NFIA: variants seen among roughly 807,000 people sequenced by gnomAD.
The protein encoded by NFIA is nuclear factor 1 A-type.
NFIA carries 8 observed loss-of-function variants against 62.8 expected under a neutral mutation model. The observed-to-expected ratio is 0.13, with a 90% CI of 0.07 to 0.23. The LOEUF is 0.23. NFIA is among the 10% of genes least tolerant of loss of function. The pLI, the probability that NFIA is intolerant of heterozygous loss-of-function variation, is 1.00. For missense variants in NFIA, 410 were observed against 642.1 expected (o/e 0.64, Z 3.91); for synonymous variants, 235 against 238.1 (o/e 0.99, Z 0.12).
rs1220911097 is a variant in NFIA, at chr1:61,456,547, A to G, written c.*1227A>G. 1 of 151,988 alleles carries G rather than the reference A, an allele frequency of 6.6e-6. No homozygotes were observed. Among genetic ancestry groups the G allele is most frequent in the Non-Finnish European group, 1.5e-5 (1 of 67,940 alleles). 9.4% of individuals were successfully genotyped at this position (151,988 alleles called of 1,614,324 possible). The stretch of plus-strand genomic sequence containing the variant: ...TATAATGGATTACGCCAATTCTAAA[A>G]AATTTTACACCTATCTGGCATCATA... On this transcript the variant is annotated 3_prime_UTR_variant, in exon 11 of 11. Transcript: ENST00000403491.
chr1:61,375,850 C>T lies in NFIA; in HGVS notation c.947-7387C>T, dbSNP rs145740926. Among the ~76,000 whole-genome samples, 22 of 152,290 alleles carry T rather than the reference C, an allele frequency of 1.4e-4. No individual in the cohort carries two copies. In the South Asian group the frequency reaches 3.1e-3, roughly 22 times the overall value. ...TGCTCTCCTGTGCAGATTCCTCCTT[C>T]GTTTCATGGAAGTTGACTACACCAT... On this transcript the variant is annotated intron_variant, in intron 6 of 10. Coordinates refer to ENST00000403491, the MANE Select transcript of NFIA (RefSeq NM_001134673.4).
intron 7 of NFIA, among the ~76,000 whole-genome samples, chr1:61,391,121 C>A (rs1234961295): frequency 6.6e-6 from 1 of 152,084 alleles, no homozygotes; most frequent in Admixed American, 6.6e-5. Flanking sequence ...AGTGCAGTGA[C>A]TTGATCACAG....
At chr1:61,230,863 C>T (rs1482995523) in intron 2 of NFIA, among the ~76,000 whole-genome samples, 1 of 152,212 alleles carries the variant, frequency 6.6e-6, no homozygotes, top group Non-Finnish European at 1.5e-5. Context: ...TCTGGTTTCT[C>T]TACAGGACAC....
intron 2 of NFIA, among the ~76,000 whole-genome samples, chr1:61,161,189 A>G (rs939531922): frequency 6.6e-6 from 1 of 152,230 alleles, no homozygotes; most frequent in South Asian, 2.1e-4. Context: ...TGCTGGGATT[A>G]CAGGTGTGCA....
chr1:61,135,168 A>G (rs907663040), intron 2 of NFIA, among the ~76,000 whole-genome samples: 2 of 152,232 alleles, frequency 1.3e-5, no homozygotes, highest in African/African-American at 2.4e-5. Context: ...CTTTAAAAGC[A>G]TTGTAAGACT....
intron 2 of NFIA, among the ~76,000 whole-genome samples, chr1:61,122,738 C>G (rs1570204400): frequency 7.7e-6 from 1 of 129,742 alleles, no homozygotes; most frequent in Non-Finnish European, 1.8e-5. Context: ...TCTGTCTGTT[C>G]CAGATGAGCT....
In NFIA at chr1:61,333,066, C is replaced by T. The variant is rs571488597; in HGVS notation, c.700+480C>T. On this transcript the variant is annotated intron_variant, in intron 4 of 10. Coordinates refer to ENST00000403491, the MANE Select transcript of NFIA (RefSeq NM_001134673.4). Reference sequence around the variant, plus strand: ...ATGCACGCACACACACACACACACACATACACACACACACACACACACACA... The same window carrying T: ...ATGCACGCACACACACACACACACATATACACACACACACACACACACACA... Among the ~76,000 whole-genome samples the T allele has an allele frequency of 2.4e-3, 324 of 137,114 alleles. 2 individuals are homozygous for T. Among genetic ancestry groups the T allele is most frequent in the African/African-American group, 0.011 (314 of 29,028 alleles). 90.0% of individuals were successfully genotyped at this position (137,114 alleles called of 152,430 possible).
intron 9 of NFIA, among the ~76,000 whole-genome samples, chr1:61,409,353 C>A (rs1040101482): frequency 5.3e-5 from 8 of 152,152 alleles, no homozygotes; most frequent in Admixed American, 5.2e-4. Context: ...ATGATGAATT[C>A]ATAGTAATAT....
At chr1:61,152,722 C>T (rs1648512245) in intron 2 of NFIA, among the ~76,000 whole-genome samples, 2 of 152,128 alleles carry the variant, frequency 1.3e-5, no homozygotes, top group Admixed American at 6.5e-5. Context: ...GGAGTACACA[C>T]ATGCAGAGAT....
chr1:61,097,073 CTTAAAG>C (rs1476137757), intron 2 of NFIA, among the ~76,000 whole-genome samples: 1 of 152,004 alleles, frequency 6.6e-6, no homozygotes, highest in African/African-American at 2.4e-5. Context: ...ATTAATGAAT[CTTAAAG>C]TTAGGGTTGT....
At chr1:61,326,293 T>A (rs1028393494) in intron 3 of NFIA, among the ~76,000 whole-genome samples, 1 of 152,224 alleles carries the variant, frequency 6.6e-6, no homozygotes, top group Non-Finnish European at 1.5e-5. Context: ...AACGCCTGAA[T>A]CAATCTGACC....
intron 2 of NFIA, among the ~76,000 whole-genome samples, chr1:61,239,049 A>C (rs1357822181): frequency 1.3e-5 from 2 of 152,192 alleles, no homozygotes; most frequent in African/African-American, 2.4e-5. Flanking sequence ...TTCATTAATG[A>C]ATATTTTAAA....
intron 4 of NFIA, among the ~76,000 whole-genome samples, chr1:61,342,653 G>A (rs1661987835): frequency 6.6e-6 from 1 of 152,218 alleles, no homozygotes; most frequent in African/African-American, 2.4e-5. Context: ...AAAGCAGAGA[G>A]GCGAGAAGGA....
chr1:61,309,613 G>A (rs1210898863), intron 3 of NFIA, among the ~76,000 whole-genome samples: 4 of 152,168 alleles, frequency 2.6e-5, no homozygotes, highest in South Asian at 4.1e-4. Context: ...GGATGTGGCC[G>A]GGCGCAGTGG....
intron 3 of NFIA, among the ~76,000 whole-genome samples, chr1:61,326,695 T>C (rs933516246): frequency 1.3e-5 from 2 of 152,076 alleles, no homozygotes; most frequent in Non-Finnish European, 2.9e-5. Flanking sequence ...TGGTCAGTAT[T>C]CAGAAGGGAG....
chr1:61,155,999 G>A (rs937376802), intron 2 of NFIA, among the ~76,000 whole-genome samples: 9 of 152,134 alleles, frequency 5.9e-5, no homozygotes, highest in African/African-American at 2.2e-4. Flanking sequence ...TTAGCTCGGC[G>A]TTGCGTGCGC....
chr1:61,179,679 T>C (rs1650621611), intron 2 of NFIA, among the ~76,000 whole-genome samples: 1 of 152,186 alleles, frequency 6.6e-6, no homozygotes, highest in Admixed American at 6.5e-5. Context: ...CCTGACGCTT[T>C]GAAAGTCAAG....
intron 2 of NFIA, among the ~76,000 whole-genome samples, chr1:61,095,866 T>C (rs1319551982): frequency 6.6e-6 from 1 of 152,176 alleles, no homozygotes; most frequent in African/African-American, 2.4e-5. Context: ...TAATTTTTAC[T>C]ATGCAGATTT....
At chr1:61,283,581 C>CAAAAAAAAAAAAAAAAAAAAAAAAAA (rs576613886) in intron 3 of NFIA, among the ~76,000 whole-genome samples, 4 of 36,694 alleles carry the variant, frequency 1.1e-4, no homozygotes, top group Non-Finnish European at 2.1e-4. Context: ...GACTCTGTCT[C>CAAAAAAAAAAAAAAAAAAAAAAAAAA]AAAAAAAAAA....
Sources: allele counts gnomAD v4.1 joint callset (sites outside exome capture counted in the v4.1 genomes callset), GRCh38; gene constraint gnomAD v4.1.1; transcripts MANE v1.5; gene names NCBI Gene and HGNC (gene_info 2026-07-23, HGNC 2026-07-21).